RARS1: variants seen among roughly 807,000 people sequenced by gnomAD.
RARS1 encodes the protein arginyl-tRNA synthetase 1.
Under a neutral mutation model 78.7 loss-of-function variants are expected in RARS1, and 75 were observed. The observed-to-expected ratio is 0.95, with a 90% CI of 0.79 to 1.15. RARS1 has a LOEUF of 1.15. RARS1 is among the 50% of genes most tolerant of loss of function. The probability of loss-of-function intolerance (pLI) is 0.00; values close to 1 mark genes in which losing one functional copy is unlikely to be tolerated. For synonymous variants in RARS1, 273 were observed against 268.2 expected (o/e 1.02, Z -0.18); for missense variants, 787 against 787.5 (o/e 1.00, Z 0.01).
intron 2 of RARS1, among the ~76,000 whole-genome samples, chr5:168,489,266 C>G (rs1196433730): frequency 6.6e-6 from 1 of 152,104 alleles, no homozygotes; most frequent in Admixed American, 6.5e-5. Flanking sequence ...GCAACCCTCC[C>G]TGTCTTGGCC....
intron 4 of RARS1, 33 bp from the exon 5 acceptor site, chr5:168,494,517 A>G: frequency 6.2e-7 from 1 of 1,603,922 alleles, no homozygotes; most frequent in East Asian, 2.2e-5. Context: ...AAGATAAGAC[A>G]GTATCTGATA....
rs1295129658 is a variant in RARS1 at position 168,496,390 on chromosome 5, A to C, written c.702-838A>C. ...CAAGACTCTCTGTCAAAAAAAAAAA[A>C]AAAACAGTAAGTCAAGAGGCTATCA... is the stretch of plus-strand genomic sequence containing the variant. On this transcript the variant is annotated intron_variant, in intron 6 of 14. Coordinates refer to ENST00000231572, the MANE Select transcript of RARS1 (RefSeq NM_002887.4). Among the ~76,000 whole-genome samples the C allele has an allele frequency of 4.0e-5, 6 of 151,796 alleles. No individual in the cohort carries two copies. In the East Asian group the frequency reaches 7.8e-4, roughly 20 times the overall value.
intron 1 of RARS1, chr5:168,488,075 T>TAA (rs1374301428): frequency 3.9e-5 from 11 of 284,042 alleles, no homozygotes; most frequent in Non-Finnish European, 6.3e-5. Flanking sequence ...ATTATATACT[T>TAA]ACTCCGATTC....
At chr5:168,490,421 G>A (rs966884957) in intron 2 of RARS1, among the ~76,000 whole-genome samples, 1 of 152,122 alleles carries the variant, frequency 6.6e-6, no homozygotes, top group South Asian at 2.1e-4. Context: ...TCCCACCTCA[G>A]CCTCCCAAGT....
intron 9 of RARS1, among the ~76,000 whole-genome samples, chr5:168,502,953 T>G (rs958111247): frequency 6.6e-6 from 1 of 152,262 alleles, no homozygotes; most frequent in Non-Finnish European, 1.5e-5. Context: ...TTTCTTTTAT[T>G]GTTGAAGAAA....
In RARS1 at chr5:168,486,636, G is replaced by C. The variant is rs1198985307; in HGVS notation, c.45+93G>C. The C allele has an allele frequency of 2.2e-6, 3 of 1,366,528 alleles. No homozygotes were observed. In the African/African-American group the frequency reaches 4.3e-5, roughly 20 times the overall value. The allele number at this position is 1,366,528 out of a possible 1,614,324, so 84.7% of individuals were successfully genotyped here. On this transcript the variant is annotated intron_variant, in intron 1 of 14. Transcript: ENST00000231572. Reference sequence around the variant, plus strand: ...GGCTTCGGGGGCGGGACAGCTAGGCGAGGACCATCCTGGTCCTCTCAGAGT... The same window carrying C: ...GGCTTCGGGGGCGGGACAGCTAGGCCAGGACCATCCTGGTCCTCTCAGAGT...
intron 12 of RARS1, among the ~76,000 whole-genome samples, chr5:168,512,867 C>T (rs1405490997): frequency 6.6e-6 from 1 of 152,214 alleles, no homozygotes; most frequent in Non-Finnish European, 1.5e-5. Flanking sequence ...AGGATCAATA[C>T]TTCGTATCCT....
chr5:168,488,369 C>T (rs1043130498), intron 1 of RARS1: 12 of 438,264 alleles, frequency 2.7e-5, no homozygotes, highest in African/African-American at 2.4e-4. Flanking sequence ...CTCAAGTCAT[C>T]CACCTGCCTA....
At chr5:168,498,518 A>C (rs1758248093) in intron 7 of RARS1, among the ~76,000 whole-genome samples, 1 of 152,200 alleles carries the variant, frequency 6.6e-6, no homozygotes, top group South Asian at 2.1e-4. Flanking sequence ...TATTATATTT[A>C]ATATTGCAAA....
At chr5:168,513,483 C>T (rs1241252596) in intron 12 of RARS1, among the ~76,000 whole-genome samples, 2 of 152,100 alleles carry the variant, frequency 1.3e-5, no homozygotes, top group African/African-American at 4.8e-5. Context: ...ACACACCAAG[C>T]TAATTTTTGT....
chr5:168,488,893 A>G (rs1460594184), intron 2 of RARS1, among the ~76,000 whole-genome samples, 157 bp downstream of exon 2: 1 of 152,308 alleles, frequency 6.6e-6, no homozygotes, highest in Non-Finnish European at 1.5e-5. Context: ...CTTAGGACTG[A>G]GGTAGTTGGT....
At chr5:168,489,857 C>T (rs57477209) in intron 2 of RARS1, among the ~76,000 whole-genome samples, 10,486 of 143,868 alleles carry the variant, frequency 0.073, 1,207 homozygotes, top group African/African-American at 0.25. Context: ...TCTTGTTGCT[C>T]AGGCTGGATT....
At chr5:168,516,683 A>C in intron 12 of RARS1, 95 bp from the exon 13 acceptor site, 1 of 1,222,408 alleles carries the variant, frequency 8.2e-7, no homozygotes. Flanking sequence ...AAAGAATACC[A>C]TTAGATGTTC....
intron 1 of RARS1, chr5:168,488,335 C>T: frequency 5.2e-6 from 2 of 382,318 alleles, no homozygotes; most frequent in African/African-American, 2.1e-5. Context: ...GCTATGTTTG[C>T]CATGCTGGTC....
At chr5:168,499,770 T>G (rs1218052410) in intron 7 of RARS1, among the ~76,000 whole-genome samples, 3 of 152,212 alleles carry the variant, frequency 2.0e-5, no homozygotes, top group Non-Finnish European at 4.4e-5. Flanking sequence ...AAGAAATATC[T>G]AGATTTGTTC....
At chr5:168,513,558 A>G (rs971049981) in intron 12 of RARS1, among the ~76,000 whole-genome samples, 7 of 152,136 alleles carry the variant, frequency 4.6e-5, no homozygotes, top group South Asian at 2.1e-4. Flanking sequence ...GGACTCAGCA[A>G]TCTGCCTGCC....
intron 6 of RARS1, among the ~76,000 whole-genome samples, chr5:168,496,532 G>A (rs1441676190): frequency 6.6e-6 from 1 of 151,878 alleles, no homozygotes; most frequent in Non-Finnish European, 1.5e-5. Context: ...GCCCAGGCTG[G>A]AGTGCAGTGG....
At chr5:168,515,680 T>A (rs1163426472) in intron 12 of RARS1, among the ~76,000 whole-genome samples, 1 of 152,232 alleles carries the variant, frequency 6.6e-6, no homozygotes, top group African/African-American at 2.4e-5. Context: ...CCTGTATGAC[T>A]AGGGTGAGGT....
intron 12 of RARS1, among the ~76,000 whole-genome samples, chr5:168,515,437 CAATTACAGGCATGAG>C (rs774217317): frequency 4.6e-5 from 7 of 152,098 alleles, no homozygotes; most frequent in Non-Finnish European, 8.8e-5. Context: ...AGGCATGAGC[CAATTACAGGCATGAG>C]CATTACAGGC....
Sources: allele counts gnomAD v4.1 joint callset (sites outside exome capture counted in the v4.1 genomes callset), GRCh38; gene constraint gnomAD v4.1.1; transcripts MANE v1.5; gene names NCBI Gene and HGNC (gene_info 2026-07-23, HGNC 2026-07-21).